SYTL5: variants seen among roughly 807,000 people sequenced by gnomAD.
SYTL5 encodes synaptotagmin-like protein 5.
In SYTL5, 34 loss-of-function variants were observed where a neutral mutation model predicts 55.9. That is an observed-to-expected ratio of 0.61 (90% CI 0.46 to 0.81). SYTL5 has a LOEUF of 0.81. SYTL5 is among the 30% of genes least tolerant of loss of function. The probability of loss-of-function intolerance (pLI) is 0.00; values close to 1 mark genes in which losing one functional copy is unlikely to be tolerated. For synonymous variants in SYTL5, 221 were observed against 188.7 expected (o/e 1.17, Z -1.40); for missense variants, 637 against 546.7 (o/e 1.17, Z -1.65).
At chrX:38,007,205 G>A (rs111944951) in intron 1 of SYTL5, among the ~76,000 whole-genome samples, 4,678 of 111,519 alleles carry the variant, frequency 0.042, 163 homozygotes, top group African/African-American at 0.11. Flanking sequence ...CAAATATCCA[G>A]TATGGATATA....
At chrX:37,983,136 T>C in the SYTL5 span, among the ~76,000 whole-genome samples, 1 of 111,293 alleles carries the variant, frequency 9.0e-6, no homozygotes, top group Admixed American at 9.5e-5. Context: ...AAAAAGGACA[T>C]GTAAGCTATA....
the SYTL5 span, among the ~76,000 whole-genome samples, chrX:37,960,171 A>G: frequency 1.8e-5 from 2 of 111,468 alleles, no homozygotes; most frequent in Admixed American, 1.9e-4. Context: ...GAAGATCTCC[A>G]AGAGTTTTTC....
At chrX:38,095,494 G>T (rs1347965245) in intron 8 of SYTL5, among the ~76,000 whole-genome samples, 1 of 111,767 alleles carries the variant, frequency 8.9e-6, no homozygotes, top group African/African-American at 3.2e-5. Flanking sequence ...AAGCTGTCCT[G>T]ACTTGGTAAG....
chrX:37,929,953 G>A, the SYTL5 span, among the ~76,000 whole-genome samples: 1 of 112,062 alleles, frequency 8.9e-6, no homozygotes, highest in African/African-American at 3.2e-5. Flanking sequence ...ATTGGAATTC[G>A]GGGTCGACTT....
At chrX:37,966,730 C>G in the SYTL5 span, among the ~76,000 whole-genome samples, 1 of 111,353 alleles carries the variant, frequency 9.0e-6, no homozygotes, top group Non-Finnish European at 1.9e-5. Flanking sequence ...GCCACCGCGC[C>G]CAGCTCCATG....
At chrX:38,018,578 G>A (rs1461198900) in intron 1 of SYTL5, among the ~76,000 whole-genome samples, 1 of 110,438 alleles carries the variant, frequency 9.1e-6, no homozygotes, top group African/African-American at 3.3e-5. Context: ...CTCTTTCAAC[G>A]TTTTTTGTCT....
the SYTL5 span, among the ~76,000 whole-genome samples, chrX:37,895,659 G>C: frequency 1.8e-5 from 2 of 108,986 alleles, no homozygotes; most frequent in Non-Finnish European, 3.8e-5. Context: ...TGGGATGGTG[G>C]AGGATGGTTA....
At chrX:37,966,042 T>C in the SYTL5 span, among the ~76,000 whole-genome samples, 1 of 112,504 alleles carries the variant, frequency 8.9e-6, no homozygotes, top group African/African-American at 3.2e-5. Flanking sequence ...CTTATTTTTT[T>C]ACCCATTCAG....
chrX:38,033,752 G>A lies in SYTL5; in HGVS notation c.-138G>A. The A allele has an allele frequency of 2.5e-6, 1 of 397,747 alleles. No individual in the cohort carries two copies. Among genetic ancestry groups the A allele is most frequent in the Non-Finnish European group, 4.5e-6 (1 of 224,519 alleles). 32.8% of individuals were successfully genotyped at this position (397,747 alleles called of 1,213,427 possible). ...ATACTTAACTACCATACGCAATTCTGCAGAGACCTTGTAAAAATCACACTT... is the reference window on the plus strand; with the variant it reads ...ATACTTAACTACCATACGCAATTCTACAGAGACCTTGTAAAAATCACACTT... On this transcript the variant is annotated 5_prime_UTR_variant, in exon 2 of 17. Transcript: ENST00000297875.
intron 2 of SYTL5, among the ~76,000 whole-genome samples, chrX:38,034,298 C>G (rs1329657465): frequency 8.9e-6 from 1 of 112,484 alleles, no homozygotes; most frequent in Non-Finnish European, 1.9e-5. Context: ...AGTACCAGCT[C>G]TGGCAAGTAT....
intron 1 of SYTL5, among the ~76,000 whole-genome samples, chrX:38,031,083 A>G (rs1450066672): frequency 9.0e-6 from 1 of 111,384 alleles, no homozygotes; most frequent in Admixed American, 9.6e-5. Flanking sequence ...CCTGTGTTCT[A>G]TCTTAAGGTA....
intron 6 of SYTL5, among the ~76,000 whole-genome samples, chrX:38,089,210 A>C (rs1936734742): frequency 8.9e-6 from 1 of 112,364 alleles, no homozygotes; most frequent in African/African-American, 3.2e-5. Flanking sequence ...AAACAAAATC[A>C]GAAAGATGGG....
intron 1 of SYTL5, among the ~76,000 whole-genome samples, chrX:38,015,255 C>T (rs974327309): frequency 1.4e-4 from 16 of 111,967 alleles, no homozygotes; most frequent in Admixed American, 1.2e-3. Context: ...TGATTAATTA[C>T]GACTTGAATA....
the SYTL5 span, among the ~76,000 whole-genome samples, chrX:37,972,054 A>C: frequency 9.1e-6 from 1 of 109,310 alleles, no homozygotes; most frequent in East Asian, 2.9e-4. Context: ...CATTTTTTAA[A>C]ATTGATTTTT....
chrX:38,020,788 T>C (rs1210449254), intron 1 of SYTL5, among the ~76,000 whole-genome samples: 2 of 110,799 alleles, frequency 1.8e-5, no homozygotes, highest in East Asian at 5.6e-4. Flanking sequence ...GCATCTGTTA[T>C]ATGCCAGGCA....
the SYTL5 span, among the ~76,000 whole-genome samples, chrX:37,915,888 A>T: frequency 9.0e-6 from 1 of 111,329 alleles, no homozygotes; most frequent in East Asian, 2.8e-4. Flanking sequence ...TAAACTGAAT[A>T]CCAAATATTA....
At chrX:37,910,794 A>G in the SYTL5 span, among the ~76,000 whole-genome samples, 8 of 111,711 alleles carry the variant, frequency 7.2e-5, no homozygotes, top group Non-Finnish European at 1.3e-4. Context: ...GTAGAGCCCA[A>G]GAATTTGCCT....
chrX:38,037,820 AG>A (rs370407198), intron 2 of SYTL5, among the ~76,000 whole-genome samples: 20,094 of 110,278 alleles, frequency 0.18, 1,762 homozygotes, highest in Non-Finnish European at 0.26. Flanking sequence ...ATAGATAGAT[AG>A]ATAGATAGAT....
At chrX:37,894,352 C>T in the SYTL5 span, among the ~76,000 whole-genome samples, 1 of 111,738 alleles carries the variant, frequency 8.9e-6, no homozygotes, top group Non-Finnish European at 1.9e-5. Context: ...TATAAATTAG[C>T]ATTTGGAAAT....
Sources: gnomAD v4.1 joint callset for allele counts (sites outside exome capture counted in the v4.1 genomes callset) on GRCh38, gnomAD v4.1.1 for gene constraint, MANE v1.5 for transcripts, NCBI Gene and HGNC (gene_info 2026-07-23, HGNC 2026-07-21) for gene names.